Variants in FRMD6 observed in about 807,000 individuals in gnomAD.
The protein encoded by FRMD6 is FERM domain-containing protein 6.
A neutral mutation model predicts 73.2 loss-of-function variants in FRMD6; 37 were observed. The observed-to-expected ratio is 0.51, with a 90% CI of 0.39 to 0.66. FRMD6 has a LOEUF of 0.66. Ranked by LOEUF, FRMD6 falls within the 30% of genes least tolerant of loss-of-function variation. The probability of loss-of-function intolerance (pLI) is 0.00; values close to 1 mark genes in which losing one functional copy is unlikely to be tolerated. For synonymous variants in FRMD6, 273 were observed against 282.2 expected (o/e 0.97, Z 0.33); for missense variants, 714 against 780.5 (o/e 0.91, Z 1.02).
upstream of FRMD6, among the ~76,000 whole-genome samples, chr14:51,487,130 G>C (rs1443436323): frequency 1.3e-5 from 2 of 152,094 alleles, no homozygotes; most frequent in African/African-American, 4.8e-5. Context: ...TCAAGTTGAA[G>C]ACCTGCTGCT....
upstream of FRMD6, among the ~76,000 whole-genome samples, chr14:51,647,476 A>G (rs897285499): frequency 1.3e-5 from 2 of 152,226 alleles, no homozygotes; most frequent in African/African-American, 4.8e-5. Flanking sequence ...AGGCAGTGAA[A>G]ATCAGGACCA....
chr14:51,482,981 C>T, the FRMD6 span, among the ~76,000 whole-genome samples: 5 of 152,078 alleles, frequency 3.3e-5, no homozygotes, highest in South Asian at 2.1e-4. Context: ...GGATGACAAG[C>T]GTGAGCCACT....
At chr14:51,485,688 ACG>A (rs1882747630), upstream of FRMD6, among the ~76,000 whole-genome samples, 2 of 152,226 alleles carry the variant, frequency 1.3e-5, no homozygotes, top group Non-Finnish European at 2.9e-5. Context: ...TATCGTAGTC[ACG>A]CCATCCTTTG....
Position 51,708,119 on chromosome 14 carries a change from T to C in FRMD6, c.600T>C (p.Ile200=). Residue 200 remains isoleucine (I), a synonymous_variant, in exon 7 of 14, where the codon ATT becomes ATC. Coordinates refer to ENST00000344768, the MANE Select transcript of FRMD6 (RefSeq NM_001267046.2). ...KRGKDYILKH[I]PNMHKDQFAL... ...GGAAGGACTACATCCTGAAGCACAT[T>C]CCAAACATGCACAAAGATCAGTTTG... The C allele has an allele frequency of 6.2e-7, 1 of 1,613,346 alleles. No homozygotes were observed. The highest frequency in any genetic ancestry group is 2.2e-5 in the East Asian group (1 of 44,866).
intron 7 of FRMD6, among the ~76,000 whole-genome samples, chr14:51,708,914 T>C (rs1192977190): frequency 6.6e-6 from 1 of 152,128 alleles, no homozygotes; most frequent in African/African-American, 2.4e-5. Flanking sequence ...CGGAAGTTAC[T>C]CTCCTTTGTG....
At chr14:51,648,209 T>C (rs1230044092), upstream of FRMD6, among the ~76,000 whole-genome samples, 1 of 152,236 alleles carries the variant, frequency 6.6e-6, no homozygotes, top group Non-Finnish European at 1.5e-5. Flanking sequence ...TATCCTGGTG[T>C]CTAGAAAATA....
chr14:51,507,998 C>A (rs983218145), intron 1 of FRMD6, among the ~76,000 whole-genome samples: 1 of 152,118 alleles, frequency 6.6e-6, no homozygotes, highest in Non-Finnish European at 1.5e-5. Flanking sequence ...ATTGTGGGAG[C>A]CCCCTCATCC....
intron 2 of FRMD6, among the ~76,000 whole-genome samples, chr14:51,596,794 G>A (rs922007556): frequency 1.3e-5 from 2 of 152,150 alleles, no homozygotes; most frequent in African/African-American, 4.8e-5. Context: ...TGATAGTGTA[G>A]AGACTCAAGA....
intron 1 of FRMD6, among the ~76,000 whole-genome samples, chr14:51,566,012 A>C (rs1484654668): frequency 6.6e-6 from 1 of 152,168 alleles, no homozygotes; most frequent in African/African-American, 2.4e-5. Flanking sequence ...AAAATACAAA[A>C]AAATTAGCCG....
At chr14:51,452,167 G>GA in the FRMD6 span, among the ~76,000 whole-genome samples, 99 of 152,360 alleles carry the variant, frequency 6.5e-4, no homozygotes, top group African/African-American at 2.2e-3. Context: ...GAGCATGAGC[G>GA]AGGGTTGGAA....
intron 2 of FRMD6, chr14:51,643,713 G>A (rs1193140614): frequency 1.3e-5 from 2 of 152,190 alleles, no homozygotes; most frequent in Non-Finnish European, 2.9e-5. Context: ...CCAGTCCAAA[G>A]GTTCAGAGAT....
In FRMD6 at chr14:51,532,350, C is replaced by A. The variant is rs532638494; in HGVS notation, c.-209-37998C>A. Among the ~76,000 whole-genome samples, 163 of 126,368 alleles carry A rather than the reference C, an allele frequency of 1.3e-3. 6 individuals are homozygous for A. The South Asian group carries it at 0.04, about 31-fold the overall frequency. 82.9% of individuals were successfully genotyped at this position (126,368 alleles called of 152,430 possible). ...CACCACTGCACTATAGCCTGGGTGA[C>A]AGAGCGAGACTCCATCTCAAAAAAA... On this transcript the variant is annotated intron_variant, in intron 1 of 14. Transcript: ENST00000356218.
At chr14:51,644,740 T>C (rs751445836) in intron 2 of FRMD6, among the ~76,000 whole-genome samples, 2 of 152,232 alleles carry the variant, frequency 1.3e-5, no homozygotes, top group Non-Finnish European at 2.9e-5. Flanking sequence ...TATGGACTAT[T>C]TGCAGAACAG....
At chr14:51,487,099 C>T (rs1882778806), upstream of FRMD6, among the ~76,000 whole-genome samples, 1 of 151,996 alleles carries the variant, frequency 6.6e-6, no homozygotes, top group African/African-American at 2.4e-5. Flanking sequence ...AACATGACCC[C>T]CAGGTGGTCC....
intron 2 of FRMD6, among the ~76,000 whole-genome samples, chr14:51,596,625 T>C (rs1439184166): frequency 6.6e-6 from 1 of 152,168 alleles, no homozygotes; most frequent in African/African-American, 2.4e-5. Flanking sequence ...CTGAGGGTGG[T>C]GGCCTGAGCT....
chr14:51,550,776 A>T (rs1240299286), intron 1 of FRMD6, among the ~76,000 whole-genome samples: 1 of 152,194 alleles, frequency 6.6e-6, no homozygotes, highest in Non-Finnish European at 1.5e-5. Flanking sequence ...TACATTGTAC[A>T]GTGCGTGACA....
the FRMD6 span, among the ~76,000 whole-genome samples, chr14:51,423,269 C>T: frequency 6.6e-6 from 1 of 152,212 alleles, no homozygotes. Context: ...CTCCAAGCTT[C>T]TAGTTCTCAC....
chr14:51,459,530 T>A, the FRMD6 span, among the ~76,000 whole-genome samples: 1 of 152,158 alleles, frequency 6.6e-6, no homozygotes, highest in Non-Finnish European at 1.5e-5. Flanking sequence ...TTTCTCCTTG[T>A]TTCAATTATA....
At chr14:51,482,702 T>C in the FRMD6 span, among the ~76,000 whole-genome samples, 4 of 67,516 alleles carry the variant, frequency 5.9e-5, no homozygotes, top group Non-Finnish European at 9.2e-5. Flanking sequence ...GTATTTGGTT[T>C]TTGTTTGTTT....
Sources: allele counts gnomAD v4.1 joint callset (sites outside exome capture counted in the v4.1 genomes callset), GRCh38; gene constraint gnomAD v4.1.1; transcripts MANE v1.5; gene names NCBI Gene and HGNC (gene_info 2026-07-23, HGNC 2026-07-21).